The following KIAA1328 variants were observed in gnomAD, a reference collection of about 807,000 sequenced individuals.
The protein encoded by KIAA1328 is protein hinderin.
KIAA1328 carries 52 observed loss-of-function variants against 68.1 expected under a neutral mutation model. That is an observed-to-expected ratio of 0.76 (90% CI 0.61 to 0.96). The LOEUF (loss-of-function observed/expected upper bound fraction) is 0.96. Among genes scored for constraint, KIAA1328 ranks in the 40% least tolerant of loss-of-function variants. The pLI is 0.00. For missense variants in KIAA1328, 641 were observed against 677.6 expected, an observed-to-expected ratio of 0.95 and a Z score of 0.60; for synonymous variants, 232 against 239.4, an observed-to-expected ratio of 0.97 and a Z score of 0.28.
chr18:37,172,097 C>T (rs752244641), intron 8 of KIAA1328, among the ~76,000 whole-genome samples: 5 of 152,176 alleles, frequency 3.3e-5, no homozygotes. Flanking sequence ...GCACTCCTGG[C>T]ATTTTAGGGT....
intron 5 of KIAA1328, among the ~76,000 whole-genome samples, chr18:36,918,352 C>G (rs1419906955): frequency 6.7e-6 from 1 of 150,298 alleles, no homozygotes; most frequent in African/African-American, 2.4e-5. Flanking sequence ...TTACTTTGGG[C>G]TTAATTTGCT....
At chr18:37,068,286 T>C (rs1339627401) in intron 7 of KIAA1328, among the ~76,000 whole-genome samples, 4 of 152,204 alleles carry the variant, frequency 2.6e-5, no homozygotes, top group African/African-American at 9.6e-5. Flanking sequence ...ATATAAAATA[T>C]AACAAGTGAT....
intron 9 of KIAA1328, among the ~76,000 whole-genome samples, chr18:37,188,015 G>T (rs2059836595): frequency 6.6e-6 from 1 of 152,186 alleles, no homozygotes; most frequent in Non-Finnish European, 1.5e-5. Flanking sequence ...CCTAATGAAA[G>T]TAAGATAGAT....
chr18:37,203,646 G>A (rs1484587958), intron 9 of KIAA1328, among the ~76,000 whole-genome samples: 6 of 152,142 alleles, frequency 3.9e-5, no homozygotes, highest in African/African-American at 1.4e-4. Context: ...ATAGGTCTGT[G>A]AGGATAACAT....
At chr18:36,835,405 C>G in intron 3 of KIAA1328, 29 bp downstream of exon 3, 2 of 1,598,524 alleles carry the variant, frequency 1.3e-6, no homozygotes, top group Non-Finnish European at 1.7e-6. Flanking sequence ...TTTTTTTTTC[C>G]TTGCTCTCCA....
chr18:37,051,818 G>A (rs1411957955), intron 6 of KIAA1328, among the ~76,000 whole-genome samples: 6 of 152,036 alleles, frequency 3.9e-5, no homozygotes, highest in South Asian at 2.1e-4. Flanking sequence ...CAAGGCAGGC[G>A]GATCACTGAA....
intron 7 of KIAA1328, among the ~76,000 whole-genome samples, chr18:37,111,340 AT>A (rs762150288): frequency 2.6e-5 from 4 of 152,148 alleles, no homozygotes; most frequent in Non-Finnish European, 5.9e-5. Context: ...ACCCATCCTG[AT>A]TACCTAGGAT....
At chr18:36,972,456 A>G (rs1239663222) in intron 6 of KIAA1328, among the ~76,000 whole-genome samples, 1 of 152,200 alleles carries the variant, frequency 6.6e-6, no homozygotes, top group East Asian at 1.9e-4. Flanking sequence ...AACACAGAGG[A>G]AGAGCAGAAT....
At chr18:36,948,994 T>C (rs1280774224) in intron 5 of KIAA1328, among the ~76,000 whole-genome samples, 1 of 152,242 alleles carries the variant, frequency 6.6e-6, no homozygotes, top group Admixed American at 6.5e-5. Context: ...GTGCAGACCA[T>C]TTTCCATAGT....
In KIAA1328 at chr18:37,042,023, G is replaced by A. The variant is rs1057195097; in HGVS notation, c.577-24867G>A. 1.4e-4 allele frequency among the ~76,000 whole-genome samples: 21 copies of A among 152,132 alleles called. No homozygotes were observed. In the South Asian group the frequency reaches 2.3e-3, roughly 17 times the overall value. On this transcript the variant is annotated intron_variant, in intron 6 of 9. Transcript: ENST00000280020. Reference sequence around the variant, plus strand: ...CAGCATCCAAGTAGCTGGGACTACAGGCATGCACCACCACACCTACCTAAT... The same window carrying A: ...CAGCATCCAAGTAGCTGGGACTACAAGCATGCACCACCACACCTACCTAAT...
intron 5 of KIAA1328, among the ~76,000 whole-genome samples, chr18:36,937,860 ATAT>A (rs1242057830): frequency 6.6e-6 from 1 of 152,118 alleles, no homozygotes; most frequent in East Asian, 1.9e-4. Context: ...AGAATGTGCA[ATAT>A]TGTCTTTCCA....
intron 6 of KIAA1328, among the ~76,000 whole-genome samples, chr18:37,061,361 G>A (rs565746321): frequency 6.6e-6 from 1 of 152,276 alleles, no homozygotes; most frequent in East Asian, 1.9e-4. Flanking sequence ...GGGCACAAGG[G>A]AACTTTCTGG....
At chr18:36,993,654 C>G (rs946098728) in intron 6 of KIAA1328, among the ~76,000 whole-genome samples, 1 of 152,138 alleles carries the variant, frequency 6.6e-6, no homozygotes, top group South Asian at 2.1e-4. Context: ...CATATAAAGA[C>G]ATAACTATAA....
rs1273219918 is a variant in KIAA1328 at position 36,959,289 on chromosome 18, C to T, written c.449-19C>T. The T allele has an allele frequency of 1.3e-6, 2 of 1,546,746 alleles. No homozygotes were observed. Among genetic ancestry groups the T allele is most frequent in the Admixed American group, 4.7e-5 (2 of 42,928 alleles). On this transcript the variant is annotated intron_variant, in intron 5 of 9. Transcript: ENST00000280020. ...TTGAATCAATTTTTCAGTTTTTTTC[C>T]CTTAATTTGCAATCTCACCTCTTCA... is the stretch of plus-strand genomic sequence containing the variant.
chr18:37,226,112 C>A (rs1367713931), downstream of KIAA1328, among the ~76,000 whole-genome samples: 1 of 152,082 alleles, frequency 6.6e-6, no homozygotes, highest in African/African-American at 2.4e-5. Context: ...TCTCTCTTTC[C>A]TTTTGCAGCA....
rs771518930 is a variant in KIAA1328, at chr18:36,959,463, G to T, written c.576+28G>T. On this transcript the variant is annotated intron_variant, in intron 6 of 9. Transcript: ENST00000280020. ...AAGCATCTTTAATTTTACTTTTCTT[G>T]TCTTCAGTGGATCAGCAAGATGTCA... The T allele has an allele frequency of 4.4e-6, 7 of 1,594,788 alleles. No individual in the cohort carries two copies. The East Asian group carries it at 1.3e-4, about 31-fold the overall frequency.
At chr18:36,866,314 A>T (rs2047750140) in intron 4 of KIAA1328, among the ~76,000 whole-genome samples, 1 of 152,072 alleles carries the variant, frequency 6.6e-6, no homozygotes. Context: ...CGATATGTGG[A>T]TGCCCTTGTC....
intron 6 of KIAA1328, among the ~76,000 whole-genome samples, chr18:37,046,179 A>T (rs749857748): frequency 2.6e-5 from 4 of 152,174 alleles, no homozygotes; most frequent in Non-Finnish European, 5.9e-5. Context: ...TATAATCTTC[A>T]TGGACTGAAA....
At chr18:36,879,622 C>T (rs543119834) in intron 4 of KIAA1328, among the ~76,000 whole-genome samples, 128 of 152,310 alleles carry the variant, frequency 8.4e-4, no homozygotes, top group Admixed American at 1.9e-3. Flanking sequence ...GCTGAAGTTG[C>T]GCCCACAGCC....
Sources: allele counts gnomAD v4.1 joint callset (sites outside exome capture counted in the v4.1 genomes callset), GRCh38; gene constraint gnomAD v4.1.1; transcripts MANE v1.5; gene names NCBI Gene and HGNC (gene_info 2026-07-23, HGNC 2026-07-21).